Variants in SMPD3 observed in about 807,000 individuals in gnomAD.
The protein encoded by SMPD3 is sphingomyelin phosphodiesterase 3.
A neutral mutation model predicts 55.7 loss-of-function variants in SMPD3; 21 were observed. That is an observed-to-expected ratio of 0.38 (90% CI 0.27 to 0.54). The LOEUF is 0.54. Ranked by LOEUF, SMPD3 falls within the 20% of genes least tolerant of loss-of-function variation. SMPD3 has a pLI of 0.80. For synonymous variants in SMPD3, 457 were observed against 404.3 expected (o/e 1.13, Z -1.56); for missense variants, 842 against 899.6 (o/e 0.94, Z 0.82).
At chr16:68,410,169 C>A (rs116154235) in intron 1 of SMPD3, among the ~76,000 whole-genome samples, 1,581 of 152,326 alleles carry the variant, frequency 0.01, 28 homozygotes, top group African/African-American at 0.036. Context: ...AGAGGACCTG[C>A]AGCCAGTACC....
rs546667003 is a variant in SMPD3, at chr16:68,404,320, G to A, written c.-268-17661C>T. 3.9e-4 allele frequency among the ~76,000 whole-genome samples: 59 copies of A among 151,684 alleles called. No homozygotes were observed. The highest frequency in any genetic ancestry group is 3.4e-3 in the Middle Eastern group (1 of 290). On this transcript the variant is annotated intron_variant, in intron 1 of 8. Coordinates refer to ENST00000219334, the MANE Select transcript of SMPD3 (RefSeq NM_018667.4). The surrounding 1 kb of genome is among the most constrained non-coding windows in gnomAD (Gnocchi z 4.0). Reference sequence around the variant, plus strand: ...TCTCCATGTCGGTCAGGCTGGTCTCGAACTCCCGACCTCAGGTGATCTGCC... The same window carrying A: ...TCTCCATGTCGGTCAGGCTGGTCTCAAACTCCCGACCTCAGGTGATCTGCC...
rs200786486 is a variant in SMPD3, at chr16:68,364,945, G to A, written c.1400-39C>T. On this transcript the variant is annotated intron_variant, in intron 4 of 8. Transcript: ENST00000219334. ...GTACAGAGACTGGATGATGAAGTTC[G>A]CCCCAGACCCCAGCTAGGCCCCAGG... 92 of 1,612,784 alleles carry A rather than the reference G, an allele frequency of 5.7e-5. 1 individual carries two copies. The highest frequency in any genetic ancestry group is 3.8e-4 in the East Asian group (17 of 44,832).
At chr16:68,399,612 A>G (rs928626753) in intron 1 of SMPD3, among the ~76,000 whole-genome samples, 6 of 152,128 alleles carry the variant, frequency 3.9e-5, no homozygotes, top group Non-Finnish European at 1.5e-5. Context: ...GGCTCCCTAG[A>G]GGCAGCTGAT....
In SMPD3 at chr16:68,358,563, TA is replaced by T. The variant is rs1188780711; in HGVS notation, c.*2642del. On this transcript the variant is annotated 3_prime_UTR_variant, in exon 9 of 9. Transcript: ENST00000219334. Reference sequence around the variant, plus strand: ...ACAATACAGAAAAAAATACAGAAATTAAAAAAGTTTTTATAACAGTATTTCT... The same window carrying T: ...ACAATACAGAAAAAAATACAGAAATTAAAAAGTTTTTATAACAGTATTTCT... 1.3e-5 allele frequency: 2 copies of T among 152,566 alleles called. No individual in the cohort carries two copies. The highest frequency in any genetic ancestry group is 2.9e-5 in the Non-Finnish European group (2 of 68,026). The allele number at this position is 152,566 out of a possible 1,614,324, so 9.5% of individuals were successfully genotyped here.
At chr16:68,364,705 G>A (rs1424696323) in intron 5 of SMPD3, 46 bp downstream of exon 5, 3 of 1,576,374 alleles carry the variant, frequency 1.9e-6, no homozygotes, top group Non-Finnish European at 2.6e-6. Flanking sequence ...TGAGCCCACA[G>A]CCTCCCCAGA....
At chr16:68,417,253 A>G (rs1217125786) in intron 1 of SMPD3, among the ~76,000 whole-genome samples, 1 of 152,132 alleles carries the variant, frequency 6.6e-6, no homozygotes, top group Admixed American at 6.5e-5. Flanking sequence ...TTGCACCCAC[A>G]GTCTGGGTCT....
rs923623354 is a variant in SMPD3, at chr16:68,404,963, G to T, written c.-268-18304C>A. On this transcript the variant is annotated intron_variant, in intron 1 of 8. Coordinates refer to ENST00000219334, the MANE Select transcript of SMPD3 (RefSeq NM_018667.4). This position sits in a 1 kb window ranked among gnomAD's most constrained non-coding sequence, Gnocchi z 4.0. The stretch of plus-strand genomic sequence containing the variant: ...TGTGGGCCAAGCGGATGTAGGACCT[G>T]GCTCTTATCCGGGCATTTGGTAACT... Among the ~76,000 whole-genome samples the T allele has an allele frequency of 3.3e-5, 5 of 152,210 alleles. No individual in the cohort carries two copies. The highest frequency in any genetic ancestry group is 9.6e-5 in the African/African-American group (4 of 41,452).
In SMPD3 at chr16:68,371,684, C is replaced by T. The variant is rs1200050930; in HGVS notation, c.498G>A (p.Gln166=). The change falls in exon 3 of 9, where the codon CAG becomes CAA. Residue 166 remains glutamine (Q), a synonymous_variant. Coordinates refer to ENST00000219334, the MANE Select transcript of SMPD3 (RefSeq NM_018667.4). Reference sequence around the variant, plus strand: ...TGGGGGAGTCGATGTAAATTTTGATCTGGGGCCGGGCGGCCCCATTGCGGA... The same window carrying T: ...TGGGGGAGTCGATGTAAATTTTGATTTGGGGCCGGGCGGCCCCATTGCGGA... The part of the protein sequence containing the change: ...QRIRNGAARP[Q]IKIYIDSPTN... The T allele has an allele frequency of 1.3e-6, 2 of 1,568,892 alleles. No homozygotes were observed.
At chr16:68,403,287 G>A (rs1383004216) in intron 1 of SMPD3, among the ~76,000 whole-genome samples, 2 of 151,974 alleles carry the variant, frequency 1.3e-5, no homozygotes, top group Admixed American at 6.6e-5. Context: ...ACTGAAACAC[G>A]AGCACCCTGA....
chr16:68,445,927 C>G (rs570717399), intron 1 of SMPD3, among the ~76,000 whole-genome samples: 133 of 152,298 alleles, frequency 8.7e-4, no homozygotes, highest in African/African-American at 3.0e-3. Flanking sequence ...TAGTGTATGT[C>G]TGTGTTACCC....
chr16:68,373,128 G>A (rs1202509080), intron 2 of SMPD3, among the ~76,000 whole-genome samples: 1 of 152,240 alleles, frequency 6.6e-6, no homozygotes, highest in Non-Finnish European at 1.5e-5. Flanking sequence ...GACAGTCCCT[G>A]TGACTTTTGG....
chr16:68,365,337 A>G (rs369562527), intron 3 of SMPD3, among the ~76,000 whole-genome samples: 4 of 152,240 alleles, frequency 2.6e-5, no homozygotes, highest in East Asian at 3.9e-4. Flanking sequence ...CCATCTGTGC[A>G]AAGCATGGGG....
chr16:68,392,905 T>A (rs2090124947), intron 1 of SMPD3, among the ~76,000 whole-genome samples: 1 of 147,778 alleles, frequency 6.8e-6, no homozygotes. Context: ...GCGGACTTAG[T>A]GAGAAGGTGG....
At chr16:68,436,335 C>T (rs925953645) in intron 1 of SMPD3, among the ~76,000 whole-genome samples, 1 of 152,276 alleles carries the variant, frequency 6.6e-6, no homozygotes, top group Non-Finnish European at 1.5e-5. Context: ...ACCCAACACA[C>T]AAGAGCGTGC....
Position 68,363,570 on chromosome 16 carries a change from C to T in SMPD3, c.1646-11G>A, listed in dbSNP as rs769390727. ...TGTCCAGCAGAGTACCTGGGGGGGA[C>T]GAGGGGGTGACAGTGGTCGCTGCAG... On this transcript the variant is annotated splice_polypyrimidine_tract_variant and intron_variant, in intron 6 of 8. Transcript: ENST00000219334. The T allele has an allele frequency of 1.2e-5, 20 of 1,611,412 alleles. No homozygotes were observed. Among genetic ancestry groups the T allele is most frequent in the Middle Eastern group, 1.7e-4 (1 of 6,020 alleles).
intron 1 of SMPD3, among the ~76,000 whole-genome samples, chr16:68,441,095 C>T (rs2090562615): frequency 6.6e-6 from 1 of 152,170 alleles, no homozygotes; most frequent in Non-Finnish European, 1.5e-5. Context: ...CTTCCTGTTG[C>T]CCTTATCTTG....
At chr16:68,415,842 T>C (rs2090334851) in intron 1 of SMPD3, among the ~76,000 whole-genome samples, 1 of 149,968 alleles carries the variant, frequency 6.7e-6, no homozygotes, top group Non-Finnish European at 1.5e-5. Flanking sequence ...AGACTTGTCC[T>C]AGACCCTTAG....
At position 68,364,830 on chromosome 16, in the gene SMPD3, C is replaced by T. The variant is rs550823751; in HGVS notation, c.1476G>A (p.Ser492=). The change falls in exon 5 of 9, where the codon TCG becomes TCA. Residue 492 remains serine (S), a synonymous_variant. Transcript: ENST00000219334. The part of the protein sequence containing the change: ...WLADFRKSTS[S]SSAANPEELV... ...GCTCCTCGGGGTTGGCTGCGCTGGA[C>T]GAGGAGGTAGATTTTCGGAAATCAG... The T allele has an allele frequency of 2.0e-5, 33 of 1,613,788 alleles. No homozygotes were observed. Among genetic ancestry groups the T allele is most frequent in the Admixed American group, 8.3e-5 (5 of 60,012 alleles).
At chr16:68,382,837 GTTTTGTTTTGTT>G (rs897732164) in intron 2 of SMPD3, among the ~76,000 whole-genome samples, 24 of 152,080 alleles carry the variant, frequency 1.6e-4, no homozygotes, top group Non-Finnish European at 2.6e-4. Context: ...TGTTTGTTTT[GTTTTGTTTTGTT>G]TTTTGTTTTG....
Sources: gnomAD v4.1 joint callset for allele counts (sites outside exome capture counted in the v4.1 genomes callset) on GRCh38, gnomAD v4.1.1 for gene constraint, Gnocchi (gnomAD v3.1) non-coding constraint, MANE v1.5 for transcripts, NCBI Gene and HGNC (gene_info 2026-07-23, HGNC 2026-07-21) for gene names.